Variants in CGNL1 observed in about 807,000 individuals in gnomAD.
CGNL1 encodes the protein cingulin-like protein 1.
In CGNL1, 132 loss-of-function variants were observed where a neutral mutation model predicts 141.2. The observed-to-expected ratio is 0.93, with a 90% CI of 0.81 to 1.08. CGNL1 has a LOEUF of 1.08. Ranked by LOEUF, CGNL1 falls within the 50% of genes least tolerant of loss-of-function variation. CGNL1 has a pLI of 0.00. For synonymous variants in CGNL1, 690 were observed against 622.1 expected, an observed-to-expected ratio of 1.11 and a Z score of -1.63; for missense variants, 1,870 against 1,588.6, an observed-to-expected ratio of 1.18 and a Z score of -3.01.
At chr15:57,520,123 T>C (rs1567166853) in intron 10 of CGNL1, among the ~76,000 whole-genome samples, 1 of 152,210 alleles carries the variant, frequency 6.6e-6, no homozygotes, top group East Asian at 1.9e-4. Context: ...TGTGTGGCCG[T>C]GTTAGCCACT....
intron 1 of CGNL1, among the ~76,000 whole-genome samples, chr15:57,401,540 A>G (rs532002202): frequency 2.6e-5 from 4 of 152,332 alleles, no homozygotes; most frequent in East Asian, 1.9e-4. Context: ...AATATGTTCA[A>G]TTCAAAGGTG....
intron 1 of CGNL1, among the ~76,000 whole-genome samples, chr15:57,421,926 T>C (rs1035762934): frequency 2.0e-5 from 3 of 152,104 alleles, no homozygotes; most frequent in Non-Finnish European, 2.9e-5. Context: ...GGGATGCTGA[T>C]TGTGAGTTTT....
intron 17 of CGNL1, 55 bp downstream of exon 17, chr15:57,545,755 A>G: frequency 7.0e-7 from 1 of 1,437,912 alleles, no homozygotes. Flanking sequence ...TCTCAGGCTG[A>G]GGGAGCAAGG....
chr15:57,427,764 A>G (rs1021865062), intron 1 of CGNL1, among the ~76,000 whole-genome samples: 1 of 6,336 alleles, frequency 1.6e-4, no homozygotes. Flanking sequence ...CTGGAATTCC[A>G]CACCCCCCCA....
At chr15:57,498,581 A>G (rs1257871224) in intron 8 of CGNL1, among the ~76,000 whole-genome samples, 4 of 152,150 alleles carry the variant, frequency 2.6e-5, no homozygotes, top group African/African-American at 4.8e-5. Flanking sequence ...CAGACACTGT[A>G]TTAAGCCTAT....
At chr15:57,407,298 T>C (rs1453430080) in intron 1 of CGNL1, 3 of 152,196 alleles carry the variant, frequency 2.0e-5, no homozygotes, top group Non-Finnish European at 4.4e-5. Flanking sequence ...CTCATCTGTT[T>C]TGTTTTATTT....
At chr15:57,459,734 C>G (rs983601000) in intron 7 of CGNL1, among the ~76,000 whole-genome samples, 4 of 152,144 alleles carry the variant, frequency 2.6e-5, no homozygotes, top group Non-Finnish European at 5.9e-5. Context: ...TTATGAGAGA[C>G]TAGGACGAGA....
intron 1 of CGNL1, chr15:57,406,996 T>C (rs556484541): frequency 2.0e-4 from 30 of 152,390 alleles, no homozygotes; most frequent in Admixed American, 1.7e-3. Flanking sequence ...TTGGGCCATC[T>C]GTCCTTTTGA....
intron 14 of CGNL1, among the ~76,000 whole-genome samples, chr15:57,542,597 A>C (rs1289913254): frequency 1.1e-4 from 17 of 152,340 alleles, no homozygotes; most frequent in Non-Finnish European, 1.5e-5. Context: ...GATGTTGCTC[A>C]GCATTCTTAC....
At chr15:57,416,130 T>C (rs1410281426) in intron 1 of CGNL1, among the ~76,000 whole-genome samples, 1 of 152,116 alleles carries the variant, frequency 6.6e-6, no homozygotes, top group African/African-American at 2.4e-5. Flanking sequence ...TACTTCCACA[T>C]TGCTGATCCC....
chr15:57,424,033 C>T (rs572082170), intron 1 of CGNL1, among the ~76,000 whole-genome samples: 10 of 152,344 alleles, frequency 6.6e-5, no homozygotes, highest in African/African-American at 1.4e-4. Context: ...GGTGACTTCT[C>T]GCCCCACTTG....
At chr15:57,465,337 C>A (rs1263805152) in intron 8 of CGNL1, among the ~76,000 whole-genome samples, 1 of 151,326 alleles carries the variant, frequency 6.6e-6, no homozygotes, top group African/African-American at 2.4e-5. Flanking sequence ...ATTTTTCCTG[C>A]CCCAGGGGGA....
chr15:57,399,463 T>G (rs1239758644), intron 1 of CGNL1, among the ~76,000 whole-genome samples: 1 of 152,166 alleles, frequency 6.6e-6, no homozygotes, highest in African/African-American at 2.4e-5. Context: ...GGTCACAATT[T>G]TGGTTGATTA....
chr15:57,490,869 A>G (rs1225278825), intron 8 of CGNL1, among the ~76,000 whole-genome samples: 1 of 152,200 alleles, frequency 6.6e-6, no homozygotes, highest in African/African-American at 2.4e-5. Context: ...GATATGCTGA[A>G]AATGACACTT....
Position 57,475,503 on chromosome 15 carries a change from G to A in CGNL1, c.2403+13611G>A, listed in dbSNP as rs1322263813. ...GTATATACAAGTGTGGTGTGTGTGT[G>A]TGTGTGTGTGTGTGTGTGTGTGTGT... On this transcript the variant is annotated intron_variant, in intron 8 of 18. Coordinates refer to ENST00000281282, the MANE Select transcript of CGNL1 (RefSeq NM_032866.5). Among the ~76,000 whole-genome samples the A allele has an allele frequency of 9.4e-3, 515 of 54,820 alleles. 3 individuals carry two copies. Among genetic ancestry groups the A allele is most frequent in the African/African-American group, 0.027 (490 of 17,990 alleles). The allele number at this position is 54,820 out of a possible 152,430, so 36.0% of individuals were successfully genotyped here. A position where few individuals can be genotyped will look rare whatever the true frequency, so the allele number is the denominator to read the frequency against.
intron 7 of CGNL1, among the ~76,000 whole-genome samples, chr15:57,455,398 G>A (rs1199416518): frequency 1.3e-5 from 2 of 152,134 alleles, no homozygotes; most frequent in African/African-American, 4.8e-5. Context: ...GTTCTAAAAG[G>A]GAAAGATGTT....
At chr15:57,519,470 G>C (rs1170688211) in intron 10 of CGNL1, among the ~76,000 whole-genome samples, 1 of 152,154 alleles carries the variant, frequency 6.6e-6, no homozygotes, top group Non-Finnish European at 1.5e-5. Context: ...CCACAGGTCA[G>C]CCTAGCTTGG....
intron 18 of CGNL1, among the ~76,000 whole-genome samples, chr15:57,546,536 A>G (rs2032878674): frequency 6.6e-6 from 1 of 152,132 alleles, no homozygotes; most frequent in African/African-American, 2.4e-5. Flanking sequence ...ACTAGCTCAC[A>G]CCATCATGGA....
At chr15:57,453,995 C>A (rs968530583) in intron 7 of CGNL1, among the ~76,000 whole-genome samples, 177 bp downstream of exon 7, 1 of 152,112 alleles carries the variant, frequency 6.6e-6, no homozygotes, top group Non-Finnish European at 1.5e-5. Context: ...TTGGCATTTG[C>A]TAATTATTAT....
Sources: gnomAD v4.1 joint callset for allele counts (sites outside exome capture counted in the v4.1 genomes callset) on GRCh38, gnomAD v4.1.1 for gene constraint, MANE v1.5 for transcripts, NCBI Gene and HGNC (gene_info 2026-07-23, HGNC 2026-07-21) for gene names.